Variants in NYAP2 observed in about 807,000 individuals in gnomAD.
The protein encoded by NYAP2 is neuronal tyrosine-phosphorylated phosphoinositide-3-kinase adapter 2.
A neutral mutation model predicts 50.4 loss-of-function variants in NYAP2; 23 were observed. The ratio of observed to expected loss-of-function variants is 0.46; its 90% CI spans 0.33 to 0.65. NYAP2 has a LOEUF of 0.65. NYAP2 is among the 30% of genes least tolerant of loss of function. The pLI, the probability that NYAP2 is intolerant of heterozygous loss-of-function variation, is 0.02. For synonymous variants in NYAP2, 394 were observed against 365.2 expected (o/e 1.08, Z -0.90); for missense variants, 885 against 861.0 (o/e 1.03, Z -0.35).
chr2:225,582,614 G>C lies in NYAP2; in HGVS notation c.1197G>C (p.Ala399=). ...CGAAACTGGAGAAAGAGCAGGCCGC[G>C]GCCCTGGGACCTGCCTCTGCCACCC... The change falls in exon 5 of 7, where the codon GCG becomes GCC. Residue 399 remains alanine (A), a synonymous_variant. Coordinates refer to ENST00000636099, the Ensembl canonical transcript of NYAP2. This position sits in a 1 kb window ranked among gnomAD's most constrained non-coding sequence, Gnocchi z 7.0. 4 of 1,593,892 alleles carry C rather than the reference G, an allele frequency of 2.5e-6. No individual in the cohort carries two copies. The highest frequency in any genetic ancestry group is 3.4e-6 in the Non-Finnish European group (4 of 1,171,018).
intron 4 of NYAP2, among the ~76,000 whole-genome samples, chr2:225,543,000 G>A (rs1241556701): frequency 6.6e-6 from 1 of 151,950 alleles, no homozygotes; most frequent in Non-Finnish European, 1.5e-5. Flanking sequence ...TTGGTAGGTT[G>A]TATGTGTCTA....
chr2:225,452,053 A>C (rs1219558646), intron 3 of NYAP2, among the ~76,000 whole-genome samples: 1 of 152,202 alleles, frequency 6.6e-6, no homozygotes, highest in East Asian at 1.9e-4. Context: ...TTCTTAAAAG[A>C]TGCTTAACAC....
At chr2:225,430,704 A>C (rs1264463286) in intron 3 of NYAP2, among the ~76,000 whole-genome samples, 3 of 129,376 alleles carry the variant, frequency 2.3e-5, no homozygotes, top group African/African-American at 9.3e-5. Flanking sequence ...CAGTGCCCTA[A>C]CTAGAATGCT....
At chr2:225,495,956 T>C (rs751519856) in intron 3 of NYAP2, among the ~76,000 whole-genome samples, 2 of 152,144 alleles carry the variant, frequency 1.3e-5, no homozygotes, top group Non-Finnish European at 2.9e-5. Context: ...GATCTTGACC[T>C]CCGCATTTGA....
chr2:225,673,214 A>C, the NYAP2 span, among the ~76,000 whole-genome samples: 1 of 152,012 alleles, frequency 6.6e-6, no homozygotes, highest in African/African-American at 2.4e-5. Context: ...CAGCACGGGA[A>C]AGACCTGCCC....
At chr2:225,601,490 AT>A (rs1310663557) in intron 5 of NYAP2, among the ~76,000 whole-genome samples, 4 of 152,066 alleles carry the variant, frequency 2.6e-5, no homozygotes. Flanking sequence ...GCAGCTGTTT[AT>A]TTTTTTATTC....
intron 3 of NYAP2, among the ~76,000 whole-genome samples, chr2:225,417,500 C>G (rs1000034737): frequency 2.0e-5 from 3 of 151,306 alleles, no homozygotes; most frequent in Non-Finnish European, 2.9e-5. Flanking sequence ...TAAATATAGC[C>G]AGCCTGCTAG....
rs1692281135 is a variant in NYAP2 at position 225,582,064 on chromosome 2, G to A, written c.647G>A (p.Gly216Glu). Residue 216 changes from glycine (G) to glutamate (E), a missense_variant, in exon 5 of 7, where the codon GGG becomes GAG. Physicochemically the swap from Gly to Glu is moderately conservative, Grantham distance 98. Coordinates refer to ENST00000636099, the Ensembl canonical transcript of NYAP2. The surrounding 1 kb of genome is among the most constrained non-coding windows in gnomAD (Gnocchi z 7.0). ...GATGAAACGTACATCAAAAAGCATGGGCCCCGGAGGACGTCGCTGCCGCGG... is the reference window on the plus strand; with the variant it reads ...GATGAAACGTACATCAAAAAGCATGAGCCCCGGAGGACGTCGCTGCCGCGG... The A allele has an allele frequency of 6.2e-7, 1 of 1,613,906 alleles. No individual in the cohort carries two copies. The highest frequency in any genetic ancestry group is 1.3e-5 in the African/African-American group (1 of 74,944).
At chr2:225,595,454 A>G (rs1159442672) in intron 5 of NYAP2, among the ~76,000 whole-genome samples, 1 of 152,368 alleles carries the variant, frequency 6.6e-6, no homozygotes, top group Admixed American at 6.5e-5. Flanking sequence ...CATTCTGGAC[A>G]TCCAAATTGT....
rs1279660991 is a variant in NYAP2 at position 225,626,908 on chromosome 2, A to T, written c.1619-9A>T. The T allele has an allele frequency of 9.0e-6, 14 of 1,553,672 alleles. No homozygotes were observed. The highest frequency in any genetic ancestry group is 1.4e-5 in the African/African-American group (1 of 73,280). On this transcript the variant is annotated splice_polypyrimidine_tract_variant and intron_variant, in intron 5 of 6. Transcript: ENST00000636099. ...TGTTTAACAGAATGTAATTCTGGTT[A>T]CTACACAGAATCAACAGAGGAACTG... is the stretch of plus-strand genomic sequence containing the variant.
At chr2:225,673,462 TA>T in the NYAP2 span, among the ~76,000 whole-genome samples, 1,482 of 151,702 alleles carry the variant, frequency 9.8e-3, 24 homozygotes, top group African/African-American at 0.029. Flanking sequence ...TCAATTTATT[TA>T]AAAAAAAATG....
intron 3 of NYAP2, among the ~76,000 whole-genome samples, chr2:225,497,468 C>T (rs1423838411): frequency 1.3e-5 from 2 of 152,152 alleles, no homozygotes; most frequent in Admixed American, 6.5e-5. Context: ...TTTAAATGGA[C>T]TTCAAAAATG....
intron 5 of NYAP2, among the ~76,000 whole-genome samples, chr2:225,595,846 T>A (rs1333024292): frequency 1.3e-5 from 2 of 152,160 alleles, no homozygotes; most frequent in African/African-American, 4.8e-5. Context: ...ACTTGCTGCC[T>A]CCATTTCTTC....
chr2:225,589,516 A>AATATATATACATATATATAT (rs1692453443), intron 5 of NYAP2, among the ~76,000 whole-genome samples: 4 of 71,356 alleles, frequency 5.6e-5, no homozygotes, highest in Admixed American at 1.6e-4. Flanking sequence ...CTAAAAGTAA[A>AATATATATACATATATATAT]ATATATATAT....
At chr2:225,414,518 C>A (rs1695092540) in intron 3 of NYAP2, among the ~76,000 whole-genome samples, 1 of 152,080 alleles carries the variant, frequency 6.6e-6, no homozygotes, top group African/African-American at 2.4e-5. Context: ...CCCAGTTTAT[C>A]ATGTGAGTGA....
chr2:225,456,567 G>T (rs1011469714), intron 3 of NYAP2, among the ~76,000 whole-genome samples: 3 of 152,120 alleles, frequency 2.0e-5, no homozygotes, highest in African/African-American at 7.2e-5. Flanking sequence ...TAGACTGAGG[G>T]TATTTAAGGG....
chr2:225,556,299 A>G (rs1263361032), intron 4 of NYAP2, among the ~76,000 whole-genome samples: 2 of 152,260 alleles, frequency 1.3e-5, no homozygotes, highest in Non-Finnish European at 2.9e-5. Flanking sequence ...TATAGCATAT[A>G]CAGGTATAAT....
intron 5 of NYAP2, among the ~76,000 whole-genome samples, chr2:225,586,572 A>G (rs893226340): frequency 3.3e-5 from 5 of 152,236 alleles, no homozygotes; most frequent in Non-Finnish European, 7.3e-5. Flanking sequence ...AATGGTAAGC[A>G]GGTCAGGTAC....
chr2:225,480,616 C>A (rs903018358), intron 3 of NYAP2, among the ~76,000 whole-genome samples: 2 of 151,920 alleles, frequency 1.3e-5, no homozygotes, highest in Non-Finnish European at 2.9e-5. Context: ...TATTGTGAAG[C>A]TGTGCAAAAG....
Sources: allele counts gnomAD v4.1 joint callset (sites outside exome capture counted in the v4.1 genomes callset), GRCh38; gene constraint gnomAD v4.1.1; non-coding constraint Gnocchi (gnomAD v3.1); transcripts MANE v1.5; gene names NCBI Gene and HGNC (gene_info 2026-07-23, HGNC 2026-07-21).